RBFOX1: variants seen among roughly 807,000 people sequenced by gnomAD.
RBFOX1 encodes the protein RNA binding fox-1 homolog 1.
In RBFOX1, 8 loss-of-function variants were observed where a neutral mutation model predicts 57.7. The ratio of observed to expected loss-of-function variants is 0.14; its 90% CI spans 0.08 to 0.25. RBFOX1 has a LOEUF of 0.25. RBFOX1 is among the 10% of genes least tolerant of loss of function. The pLI is 1.00. For missense variants in RBFOX1, 611 were observed against 548.5 expected (o/e 1.11, Z -1.14); for synonymous variants, 326 against 222.4 (o/e 1.47, Z -4.15).
chr16:6,230,054 G>A (rs2097447139), intron 1 of RBFOX1, among the ~76,000 whole-genome samples: 1 of 152,042 alleles, frequency 6.6e-6, no homozygotes, highest in South Asian at 2.1e-4. Flanking sequence ...ACACTTACAT[G>A]ATGGAAATAA....
chr16:7,692,710 G>C (rs917662888), intron 14 of RBFOX1, among the ~76,000 whole-genome samples: 2 of 152,128 alleles, frequency 1.3e-5, no homozygotes, highest in South Asian at 2.1e-4. Context: ...TTTACTAAAA[G>C]TAAAATAGCA....
intron 1 of RBFOX1, among the ~76,000 whole-genome samples, chr16:6,171,812 T>TTTTATGTATTTATTTATTTA (rs2096962543): frequency 6.6e-6 from 1 of 151,412 alleles, no homozygotes; most frequent in African/African-American, 2.4e-5. Context: ...CTTATTTTTA[T>TTTTATGTATTTATTTATTTA]TTTATTTATT....
At chr16:6,504,506 A>T (rs1306419470) in intron 2 of RBFOX1, among the ~76,000 whole-genome samples, 2 of 152,206 alleles carry the variant, frequency 1.3e-5, no homozygotes, top group South Asian at 2.1e-4. Flanking sequence ...GTGAAACTTA[A>T]TTAAAAGTGC....
chr16:6,210,269 G>T (rs1313496210), intron 1 of RBFOX1, among the ~76,000 whole-genome samples: 6 of 137,496 alleles, frequency 4.4e-5, no homozygotes, highest in Admixed American at 4.0e-4. Context: ...AGTAAGCTGA[G>T]ATCACGCATT....
intron 3 of RBFOX1, among the ~76,000 whole-genome samples, chr16:5,637,548 G>A (rs2048723581): frequency 6.6e-6 from 1 of 152,188 alleles, no homozygotes; most frequent in South Asian, 2.1e-4. Flanking sequence ...AACACCTAGT[G>A]TATCCTCAAT....
chr16:5,617,481 A>G (rs1011490), intron 3 of RBFOX1, among the ~76,000 whole-genome samples: 127,473 of 152,220 alleles, frequency 0.84, 55,329 homozygotes, highest in South Asian at 0.95. Flanking sequence ...TTCTCCAATC[A>G]TCAGGCTTGT....
chr16:6,225,935 C>T (rs773001546), intron 1 of RBFOX1, among the ~76,000 whole-genome samples: 5 of 152,226 alleles, frequency 3.3e-5, no homozygotes, highest in Admixed American at 2.0e-4. Flanking sequence ...GGGAATTAAC[C>T]ATTTGAAACC....
intron 4 of RBFOX1, among the ~76,000 whole-genome samples, chr16:6,012,284 C>T (rs898857886): frequency 1.3e-5 from 2 of 152,154 alleles, no homozygotes; most frequent in African/African-American, 4.8e-5. Flanking sequence ...AGGTATAGAC[C>T]TAGTGCCTAG....
At chr16:6,210,359 A>C (rs374122031) in intron 1 of RBFOX1, among the ~76,000 whole-genome samples, 46 of 24,220 alleles carry the variant, frequency 1.9e-3, no homozygotes, top group African/African-American at 5.5e-3. Context: ...AAAAAAAAAC[A>C]CCAAAAAAAA....
At chr16:7,551,954 G>T (rs551486597) in intron 5 of RBFOX1, among the ~76,000 whole-genome samples, 2 of 152,158 alleles carry the variant, frequency 1.3e-5, no homozygotes. Flanking sequence ...GAATATTCCA[G>T]CAGAAGAAAT....
intron 3 of RBFOX1, among the ~76,000 whole-genome samples, chr16:6,745,568 G>T (rs753292362): frequency 6.6e-5 from 10 of 152,184 alleles, no homozygotes; most frequent in Non-Finnish European, 1.2e-4. Flanking sequence ...TTTAATAGAT[G>T]CAGAAAAGGC....
At chr16:5,908,089 C>CAT (rs1230094460) in intron 4 of RBFOX1, among the ~76,000 whole-genome samples, 48,974 of 137,868 alleles carry the variant, frequency 0.36, 9,494 homozygotes, top group Middle Eastern at 0.5. Flanking sequence ...TATATATACA[C>CAT]ATATATACAC....
intron 2 of RBFOX1, among the ~76,000 whole-genome samples, chr16:6,490,386 C>A (rs914195446): frequency 2.0e-5 from 3 of 152,132 alleles, no homozygotes; most frequent in Admixed American, 2.0e-4. Context: ...TTCAAAATTT[C>A]TTGTCAAGAA....
In RBFOX1 at chr16:6,943,406, A is replaced by G. The variant is rs28666777; in HGVS notation, c.-15-108651A>G. 9.9e-3 allele frequency among the ~76,000 whole-genome samples: 1,515 copies of G among 152,270 alleles called. 21 individuals are homozygous for G. Among genetic ancestry groups the G allele is most frequent in the African/African-American group, 0.035 (1,454 of 41,554 alleles). On this transcript the variant is annotated intron_variant, in intron 3 of 15. Transcript: ENST00000550418. The stretch of plus-strand genomic sequence containing the variant: ...ATAGACAGACAAGACTGAAAATCTA[A>G]CTTAAGAGTATGGGCCTGTGGGCCG...
At chr16:5,448,293 C>G (rs1425909912) in intron 1 of RBFOX1, among the ~76,000 whole-genome samples, 1 of 152,122 alleles carries the variant, frequency 6.6e-6, no homozygotes, top group Non-Finnish European at 1.5e-5. Context: ...CTAAACTGTT[C>G]CTCAAACTTA....
At chr16:6,855,833 C>G (rs1185116428) in intron 3 of RBFOX1, among the ~76,000 whole-genome samples, 1 of 151,086 alleles carries the variant, frequency 6.6e-6, no homozygotes, top group Non-Finnish European at 1.5e-5. Context: ...TTCCCTCCCT[C>G]CTTCCCTCCC....
chr16:7,564,729 A>G (rs552405537), intron 5 of RBFOX1, among the ~76,000 whole-genome samples: 17 of 152,196 alleles, frequency 1.1e-4, no homozygotes, highest in South Asian at 4.2e-4. Context: ...GAAGACTAAT[A>G]CAGACACCTA....
At chr16:6,201,815 T>C (rs1352104359) in intron 1 of RBFOX1, among the ~76,000 whole-genome samples, 14 of 152,186 alleles carry the variant, frequency 9.2e-5, no homozygotes, top group Non-Finnish European at 2.9e-5. Flanking sequence ...GTGTCCATGA[T>C]AATTAAAAAT....
chr16:6,800,326 C>A (rs886344421), intron 3 of RBFOX1, among the ~76,000 whole-genome samples: 2 of 152,164 alleles, frequency 1.3e-5, no homozygotes, highest in South Asian at 2.1e-4. Context: ...CTGGTAGTAC[C>A]AAAAGTCAGG....
Sources: gnomAD v4.1 joint callset for allele counts (sites outside exome capture counted in the v4.1 genomes callset) on GRCh38, gnomAD v4.1.1 for gene constraint, MANE v1.5 for transcripts, NCBI Gene and HGNC (gene_info 2026-07-23, HGNC 2026-07-21) for gene names.